Variants in DOCK7 observed in about 807,000 individuals in gnomAD.
The protein encoded by DOCK7 is dedicator of cytokinesis 7.
DOCK7 carries 138 observed loss-of-function variants against 271.0 expected under a neutral mutation model. That is an observed-to-expected ratio of 0.51 (90% confidence interval 0.44 to 0.59). DOCK7 has a LOEUF of 0.59. DOCK7 is among the 20% of genes least tolerant of loss of function. DOCK7 has a pLI of 0.00. For synonymous variants in DOCK7, 823 were observed against 876.1 expected (o/e 0.94, Z 1.07); for missense variants, 2,066 against 2,592.4 (o/e 0.80, Z 4.41).
intron 2 of DOCK7, among the ~76,000 whole-genome samples, chr1:62,658,353 C>T (rs1658274522): frequency 1.3e-5 from 2 of 151,804 alleles, no homozygotes; most frequent in Non-Finnish European, 2.9e-5. Context: ...ACTCGGGAGG[C>T]TGCGGCATGA....
intron 29 of DOCK7, among the ~76,000 whole-genome samples, chr1:62,533,701 CAT>C (rs1385188858): frequency 6.6e-6 from 1 of 152,170 alleles, no homozygotes; most frequent in Non-Finnish European, 1.5e-5. Flanking sequence ...ATAAAAAACA[CAT>C]GTCTTTCACT....
At chr1:62,532,744 A>C (rs1645216362) in intron 29 of DOCK7, among the ~76,000 whole-genome samples, 1 of 152,198 alleles carries the variant, frequency 6.6e-6, no homozygotes, top group East Asian at 1.9e-4. Flanking sequence ...TGAACATCTG[A>C]GGGCTGTTCA....
chr1:62,537,996 T>C lies in DOCK7; in HGVS notation c.3366A>G (p.Leu1122=). The change falls in exon 28 of 50, where the codon CTA becomes CTG. Residue 1122 remains leucine, a synonymous_variant. Transcript: ENST00000635253. The part of the protein sequence containing the change: ...SVLVSLRLDF[L]RIICSHEHYV... ...AGTGCTCATGACTGCAGATGATTCG[T>C]AGAAAATCCAGCCTCAAGGACACCA... The C allele has an allele frequency of 6.2e-7, 1 of 1,614,084 alleles. No individual in the cohort carries two copies. The highest frequency in any genetic ancestry group is 8.5e-7 in the Non-Finnish European group (1 of 1,179,978).
At chr1:62,569,705 T>TCCCCCCCCCCACCCC (rs1205849919) in intron 18 of DOCK7, among the ~76,000 whole-genome samples, 1 of 104,826 alleles carries the variant, frequency 9.5e-6, no homozygotes, top group Middle Eastern at 5.1e-3. Context: ...CTCACCACTC[T>TCCCCCCCCCCACCCC]CCCCCCTCCC....
intron 37 of DOCK7, among the ~76,000 whole-genome samples, chr1:62,497,832 A>T (rs980278330): frequency 6.6e-6 from 1 of 152,172 alleles, no homozygotes; most frequent in Non-Finnish European, 1.5e-5. Flanking sequence ...AAAGAATTCA[A>T]CTCAGTAAAT....
intron 10 of DOCK7, among the ~76,000 whole-genome samples, chr1:62,632,898 A>G (rs889856841): frequency 6.6e-6 from 1 of 151,900 alleles, no homozygotes; most frequent in African/African-American, 2.4e-5. Context: ...AATCACTTGA[A>G]CCCAGGAAGC....
chr1:62,538,943 A>T (rs890105631), intron 27 of DOCK7, among the ~76,000 whole-genome samples: 15 of 152,214 alleles, frequency 9.9e-5, no homozygotes, highest in African/African-American at 3.6e-4. Context: ...ACAGTTTACT[A>T]CCAAAGTGGC....
chr1:62,520,089 C>G (rs1034529417), intron 31 of DOCK7, among the ~76,000 whole-genome samples: 14 of 152,272 alleles, frequency 9.2e-5, no homozygotes, highest in African/African-American at 3.4e-4. Flanking sequence ...ATACCTTATA[C>G]AAAAATTAAC....
chr1:62,595,221 A>G (rs1201455849), intron 14 of DOCK7, among the ~76,000 whole-genome samples: 1 of 152,188 alleles, frequency 6.6e-6, no homozygotes, highest in African/African-American at 2.4e-5. Context: ...CTTAATATGC[A>G]ATTAATTTTC....
intron 43 of DOCK7, chr1:62,485,090 CG>C: frequency 1.1e-6 from 1 of 929,058 alleles, no homozygotes; most frequent in Non-Finnish European, 1.3e-6. Flanking sequence ...GAGCTGTGAT[CG>C]TGCCACTGCA....
intron 48 of DOCK7, among the ~76,000 whole-genome samples, chr1:62,472,606 C>T (rs1201698918): frequency 1.3e-5 from 2 of 152,044 alleles, no homozygotes; most frequent in Non-Finnish European, 1.5e-5. Context: ...ATGTCTATGA[C>T]CTAAAGAAGT....
In DOCK7 at chr1:62,457,698, C is replaced by T. The variant is rs1176657749; in HGVS notation, c.6220G>A (p.Asp2074Asn). The change falls in exon 49 of 50, where the codon GAT becomes AAT. Residue 2074 changes from aspartate to asparagine, a missense_variant. Coordinates refer to ENST00000635253, the MANE Select transcript of DOCK7 (RefSeq NM_001367561.1). Reference protein sequence around the residue: ...CFKDFTKRCEDALRKNKSLIG... With the variant: ...CFKDFTKRCENALRKNKSLIG... ...AAGCTCTTATTTTTTCTTAAGGCAT[C>T]TTCACACCTAGGAAAAACAGGATGT... 1 of 1,612,732 alleles carries T rather than the reference C, an allele frequency of 6.2e-7. No individual in the cohort carries two copies. The highest frequency in any genetic ancestry group is 1.1e-5 in the South Asian group (1 of 90,858).
intron 40 of DOCK7, among the ~76,000 whole-genome samples, chr1:62,494,034 A>T (rs1043649231): frequency 2.0e-5 from 3 of 152,250 alleles, no homozygotes; most frequent in Admixed American, 2.0e-4. Context: ...AAAGACAAAG[A>T]GAATAAATAA....
rs1296891789 is a variant in DOCK7, at chr1:62,648,319, C to T, written c.520-1G>A. The T allele has an allele frequency of 6.3e-7, 1 of 1,586,848 alleles. No homozygotes were observed. Among genetic ancestry groups the T allele is most frequent in the Admixed American group, 1.7e-5 (1 of 58,028 alleles). ...ACATTGAACGTCTTTTAAGGTCATC[C>T]TGTCATGCAAAACATTAAATATAAA... On this transcript the variant is annotated splice_acceptor_variant, in intron 5 of 49. Transcript: ENST00000635253. LOFTEE classifies it high-confidence loss of function.
intron 14 of DOCK7, chr1:62,604,475 T>A: frequency 2.2e-6 from 2 of 924,340 alleles, no homozygotes; most frequent in Non-Finnish European, 3.3e-6. Context: ...ATACAGATTA[T>A]TTAAAATTGG....
At chr1:62,593,006 T>C (rs1195401251) in intron 14 of DOCK7, among the ~76,000 whole-genome samples, 1 of 152,196 alleles carries the variant, frequency 6.6e-6, no homozygotes, top group Non-Finnish European at 1.5e-5. Flanking sequence ...AAATTAAGGT[T>C]CATCTATATA....
intron 19 of DOCK7, among the ~76,000 whole-genome samples, chr1:62,560,867 C>G (rs1646300504): frequency 6.6e-6 from 1 of 152,110 alleles, no homozygotes; most frequent in Non-Finnish European, 1.5e-5. Context: ...TTACACTTTC[C>G]CATATTACAC....
chr1:62,584,348 T>A (rs1421099637), intron 15 of DOCK7: 4 of 985,974 alleles, frequency 4.1e-6, no homozygotes, highest in South Asian at 4.7e-5. Context: ...AAGTTTACAA[T>A]TTTATCATGT....
At chr1:62,558,212 A>C (rs912949782) in intron 20 of DOCK7, among the ~76,000 whole-genome samples, 1 of 152,156 alleles carries the variant, frequency 6.6e-6, no homozygotes, top group Admixed American at 6.6e-5. Flanking sequence ...TGTACTATGT[A>C]CATGCTGTTT....
Sources: allele counts gnomAD v4.1 joint callset (sites outside exome capture counted in the v4.1 genomes callset), GRCh38; gene constraint gnomAD v4.1.1; transcripts MANE v1.5; gene names NCBI Gene and HGNC (gene_info 2026-07-23, HGNC 2026-07-21).